Variants in CNTN4 observed in about 807,000 individuals in gnomAD.
The protein encoded by CNTN4 is contactin 4, also known as contactin-4.
CNTN4 carries 77 observed loss-of-function variants against 122.5 expected under a neutral mutation model. The observed-to-expected ratio is 0.63, with a 90% CI of 0.52 to 0.76. The LOEUF is 0.76. Ranked by LOEUF, CNTN4 falls within the 30% of genes least tolerant of loss-of-function variation. The pLI is 0.00. For missense variants in CNTN4, 1,256 were observed against 1,259.1 expected (o/e 1.00, Z 0.04); for synonymous variants, 512 against 447.0 (o/e 1.15, Z -1.83).
chr3:2,882,833 C>G (rs1032749890), intron 8 of CNTN4: 1 of 310,518 alleles, frequency 3.2e-6, no homozygotes, highest in Non-Finnish European at 6.2e-6. Flanking sequence ...TTCCTGATGA[C>G]TAGCACTTCA....
intron 2 of CNTN4, among the ~76,000 whole-genome samples, chr3:2,273,367 A>T (rs1368283141): frequency 2.0e-5 from 3 of 152,178 alleles, no homozygotes; most frequent in Non-Finnish European, 4.4e-5. Context: ...CAGTGAAATG[A>T]TAAAAGGCCC....
chr3:2,648,617 C>T (rs2150172226), intron 4 of CNTN4, among the ~76,000 whole-genome samples: 1 of 152,270 alleles, frequency 6.6e-6, no homozygotes, highest in Non-Finnish European at 1.5e-5. Flanking sequence ...CATCTCTCTC[C>T]CTTCTCCTGG....
At chr3:2,787,675 C>G (rs1157551227) in intron 6 of CNTN4, among the ~76,000 whole-genome samples, 3 of 152,136 alleles carry the variant, frequency 2.0e-5, no homozygotes, top group Non-Finnish European at 4.4e-5. Context: ...TTCTCTGAGT[C>G]TTTTTCCTCA....
At chr3:2,872,142 T>C (rs908648348) in intron 8 of CNTN4, among the ~76,000 whole-genome samples, 3 of 152,014 alleles carry the variant, frequency 2.0e-5, no homozygotes, top group Non-Finnish European at 4.4e-5. Context: ...CAAAGAGTTA[T>C]CCCTAAATTT....
intron 23 of CNTN4, 110 bp downstream of exon 23, chr3:3,043,814 CT>C (rs1700374746): frequency 2.6e-6 from 2 of 767,226 alleles, no homozygotes; most frequent in Admixed American, 4.0e-5. Context: ...TGATGCTCTC[CT>C]ACCCTCTAGG....
At chr3:2,161,531 G>T (rs2035967520) in intron 2 of CNTN4, among the ~76,000 whole-genome samples, 1 of 152,058 alleles carries the variant, frequency 6.6e-6, no homozygotes, top group Non-Finnish European at 1.5e-5. Flanking sequence ...AGTGGAGGCA[G>T]AGAGAGATGT....
chr3:3,037,342 G>A lies in CNTN4; in HGVS notation c.2092+14G>A, dbSNP rs370896217. The A allele has an allele frequency of 1.0e-4, 161 of 1,613,974 alleles. 1 individual carries two copies. Among genetic ancestry groups the A allele is most frequent in the Non-Finnish European group, 1.3e-4 (155 of 1,180,008 alleles). Reference sequence around the variant, plus strand: ...CAGAAGAAGCTCGTGAGTAGCACCCGAGATTCAGATCATCTGTTCTGCCAG... The same window carrying A: ...CAGAAGAAGCTCGTGAGTAGCACCCAAGATTCAGATCATCTGTTCTGCCAG... On this transcript the variant is annotated intron_variant, in intron 18 of 24. Coordinates refer to ENST00000418658, the MANE Select transcript of CNTN4 (RefSeq NM_175607.3).
intron 2 of CNTN4, among the ~76,000 whole-genome samples, chr3:2,149,252 G>A (rs1247868532): frequency 1.3e-5 from 2 of 152,110 alleles, no homozygotes; most frequent in Admixed American, 1.3e-4. Flanking sequence ...TGCTAATATT[G>A]TAGAAATCCC....
chr3:2,984,250 T>C (rs1356123688), intron 13 of CNTN4, among the ~76,000 whole-genome samples: 1 of 152,196 alleles, frequency 6.6e-6, no homozygotes, highest in Non-Finnish European at 1.5e-5. Context: ...GGAAAACATT[T>C]GAAGAGTGTG....
intron 2 of CNTN4, among the ~76,000 whole-genome samples, chr3:2,179,971 C>A (rs2036939067): frequency 6.6e-6 from 1 of 151,710 alleles, no homozygotes; most frequent in African/African-American, 2.4e-5. Context: ...CCTTATAAAT[C>A]TAGTGTAGAT....
chr3:2,543,853 A>G (rs1045629181), intron 3 of CNTN4, among the ~76,000 whole-genome samples: 10 of 152,140 alleles, frequency 6.6e-5, no homozygotes, highest in African/African-American at 1.9e-4. Flanking sequence ...GCATATATTA[A>G]GACAAATATT....
intron 7 of CNTN4, among the ~76,000 whole-genome samples, chr3:2,833,209 T>C (rs987204064): frequency 1.3e-5 from 2 of 152,140 alleles, no homozygotes; most frequent in Non-Finnish European, 1.5e-5. Flanking sequence ...AAGATGCCAA[T>C]GTTAAAAGAG....
In CNTN4 at chr3:2,806,181, G is replaced by A. The variant is rs113225630; in HGVS notation, c.359-13305G>A. The stretch of plus-strand genomic sequence containing the variant: ...CTCCCAAAGTGCTGGGATTACAGGC[G>A]TGAGCCACCGCGCCCAGCCTCTCAT... On this transcript the variant is annotated intron_variant, in intron 6 of 24. Transcript: ENST00000418658. 3.9e-3 allele frequency among the ~76,000 whole-genome samples: 600 copies of A among 152,276 alleles called. 6 individuals carry two copies. Among genetic ancestry groups the A allele is most frequent in the African/African-American group, 0.014 (579 of 41,568 alleles).
At chr3:3,041,575 G>C (rs923309801) in intron 20 of CNTN4, among the ~76,000 whole-genome samples, 1 of 152,174 alleles carries the variant, frequency 6.6e-6, no homozygotes, top group South Asian at 2.1e-4. Flanking sequence ...TAGACTGACT[G>C]TTTCCCAAAT....
chr3:2,126,001 T>G (rs904093364), intron 2 of CNTN4, among the ~76,000 whole-genome samples: 2 of 151,984 alleles, frequency 1.3e-5, no homozygotes, highest in Non-Finnish European at 2.9e-5. Context: ...ATGAGTGTGA[T>G]CAGCACTAAT....
At chr3:2,119,383 C>T (rs193260220) in intron 2 of CNTN4, among the ~76,000 whole-genome samples, 1 of 152,294 alleles carries the variant, frequency 6.6e-6, no homozygotes, top group East Asian at 1.9e-4. Flanking sequence ...TCCTTATTCT[C>T]CCTGTATGAG....
intron 13 of CNTN4, among the ~76,000 whole-genome samples, chr3:2,963,311 A>G (rs967482824): frequency 2.2e-4 from 33 of 152,234 alleles, no homozygotes; most frequent in Middle Eastern, 3.4e-3. Context: ...TTTTATAGAT[A>G]TTTATAATAC....
chr3:2,587,061 A>G (rs2080236118), intron 4 of CNTN4, among the ~76,000 whole-genome samples: 1 of 152,180 alleles, frequency 6.6e-6, no homozygotes, highest in African/African-American at 2.4e-5. Flanking sequence ...CTGAGTTAAA[A>G]TGAGTAAAGT....
chr3:2,361,348 G>A (rs2045128435), intron 3 of CNTN4, among the ~76,000 whole-genome samples: 1 of 152,154 alleles, frequency 6.6e-6, no homozygotes, highest in Non-Finnish European at 1.5e-5. Context: ...GTAGTGTCTG[G>A]AGACATTTTT....
Sources: allele counts gnomAD v4.1 joint callset (sites outside exome capture counted in the v4.1 genomes callset), GRCh38; gene constraint gnomAD v4.1.1; transcripts MANE v1.5; gene names NCBI Gene and HGNC (gene_info 2026-07-23, HGNC 2026-07-21).